The following S100B variants were observed in gnomAD, a reference collection of about 807,000 sequenced individuals.
S100B encodes protein S100-B.
S100B carries 6 observed loss-of-function variants against 7.7 expected under a neutral mutation model. The ratio of observed to expected loss-of-function variants is 0.78; its 90% CI spans 0.43 to 1.54. The LOEUF is 1.54. S100B is among the 40% of genes most tolerant of loss of function. S100B has a pLI of 0.01. For synonymous variants in S100B, 36 were observed against 40.4 expected (o/e 0.89, Z 0.41); for missense variants, 99 against 111.8 (o/e 0.89, Z 0.52).
At chr21:46,603,396 G>GGTGGGGGGAGGGGGGGCGGGGGGGGT (rs1569137672) in intron 1 of S100B, among the ~76,000 whole-genome samples, 1 of 139,260 alleles carries the variant, frequency 7.2e-6, no homozygotes, top group Non-Finnish European at 1.6e-5. Context: ...GGCGGGAGGG[G>GGTGGGGGGAGGGGGGGCGGGGGGGGT]GTGGGGGCAG....
In S100B at chr21:46,599,344, G is replaced by C; in HGVS notation, c.*19C>G. The C allele has an allele frequency of 1.2e-6, 2 of 1,612,360 alleles. No homozygotes were observed. Among genetic ancestry groups the C allele is most frequent in the Non-Finnish European group, 1.7e-6 (2 of 1,179,056 alleles). On this transcript the variant is annotated 3_prime_UTR_variant, in exon 3 of 3. Coordinates refer to ENST00000291700, the MANE Select transcript of S100B (RefSeq NM_006272.3). ...CATGACCGTCTCTGTTACAGGAAAG[G>C]TTTGGCTGCTTTCTAATCTCACTCA... is the stretch of plus-strand genomic sequence containing the variant.
Position 46,601,948 on chromosome 21 carries a change from T to C in S100B, c.138+330A>G, listed in dbSNP as rs973469809. Among the ~76,000 whole-genome samples, 3 of 152,254 alleles carry C rather than the reference T, an allele frequency of 2.0e-5. No individual in the cohort carries two copies. The East Asian group carries it at 5.8e-4, about 29-fold the overall frequency. ...AAAATATATCCTTTTCCTAAAAACATTCCCAAAGCTTATTTTTAACAGTTT... is the reference window on the plus strand; with the variant it reads ...AAAATATATCCTTTTCCTAAAAACACTCCCAAAGCTTATTTTTAACAGTTT... On this transcript the variant is annotated intron_variant, in intron 2 of 2. Transcript: ENST00000291700.
chr21:46,603,392 A>AGGGGGTGGGGGGGGAGGGGGGGGCGGGGG (rs796474856), intron 1 of S100B, among the ~76,000 whole-genome samples: 19 of 38,230 alleles, frequency 5.0e-4, no homozygotes, highest in Middle Eastern at 0.014. Context: ...GGACGGCGGG[A>AGGGGGTGGGGGGGGAGGGGGGGGCGGGGG]GGGGGTGGGG....
intron 1 of S100B, among the ~76,000 whole-genome samples, chr21:46,603,603 G>A (rs2154586): frequency 0.058 from 8,847 of 152,152 alleles, 707 homozygotes; most frequent in African/African-American, 0.18. Context: ...TTGGCCTTGA[G>A]TTCTAATCAT....
chr21:46,603,452 TC>T (rs2061048728), intron 1 of S100B, among the ~76,000 whole-genome samples: 1 of 134,098 alleles, frequency 7.5e-6, no homozygotes, highest in Admixed American at 8.1e-5. Flanking sequence ...CCCCCCTACC[TC>T]CCTCACAGCA....
Position 46,602,435 on chromosome 21 carries a change from A to G in S100B, c.-1-19T>C, listed in dbSNP as rs773063178. 1.2e-6 allele frequency: 2 copies of G among 1,609,600 alleles called. No individual in the cohort carries two copies. The highest frequency in any genetic ancestry group is 1.7e-6 in the Non-Finnish European group (2 of 1,178,550). On this transcript the variant is annotated intron_variant, in intron 1 of 2. Transcript: ENST00000291700. ...AGACATCCTAGGGGCTCGCAAAGGA[A>G]AGTTGCCTTCTCATCTATACCTCAT...
rs1343133761 is a variant in S100B at position 46,602,316 on chromosome 21, T to G, written c.100A>C (p.Lys34Gln). The G allele has an allele frequency of 1.2e-6, 2 of 1,614,000 alleles. No homozygotes were observed. Among genetic ancestry groups the G allele is most frequent in the South Asian group, 2.2e-5 (2 of 91,064 alleles). The change falls in exon 2 of 3, where the codon AAG becomes CAG. Residue 34 changes from lysine (K) to glutamine (Q), a missense_variant. Physicochemically the swap from Lys to Gln is moderately conservative, Grantham distance 53 (BLOSUM62 1). Transcript: ENST00000291700. ...DKHKLKKSELKELINNELSHF... is the reference protein window; with the variant it reads ...DKHKLKKSELQELINNELSHF... The stretch of plus-strand genomic sequence containing the variant: ...GAAAGCTCATTGTTGATGAGCTCCT[T>G]CAGTTCGGATTTCTTCAGCTTGTGC...
chr21:46,604,883 C>T (rs948651636), intron 1 of S100B, 130 bp downstream of exon 1: 3 of 152,254 alleles, frequency 2.0e-5, no homozygotes, highest in Non-Finnish European at 4.4e-5. Flanking sequence ...ATTGACACTT[C>T]TGAAATGCTG....
intron 2 of S100B, among the ~76,000 whole-genome samples, chr21:46,601,468 G>A (rs2061041164): frequency 6.6e-6 from 1 of 152,182 alleles, no homozygotes; most frequent in African/African-American, 2.4e-5. Flanking sequence ...ACTTCCATGA[G>A]GGCATGAGGT....
chr21:46,599,796 A>G (rs754321587), intron 2 of S100B, among the ~76,000 whole-genome samples: 6 of 151,882 alleles, frequency 4.0e-5, no homozygotes, highest in Non-Finnish European at 7.4e-5. Flanking sequence ...AAAAAATACC[A>G]TCTAGATCAG....
chr21:46,599,208 G>A lies in S100B; in HGVS notation c.*155C>T. On this transcript the variant is annotated 3_prime_UTR_variant, in exon 3 of 3. Coordinates refer to ENST00000291700, the MANE Select transcript of S100B (RefSeq NM_006272.3). The stretch of plus-strand genomic sequence containing the variant: ...AGGCCGTTAAAACAGCCTTTGGAAA[G>A]AGGTTTTCAATTTTTCAATCACAAA... 1 of 706,820 alleles carries A rather than the reference G, an allele frequency of 1.4e-6. No homozygotes were observed. Among genetic ancestry groups the A allele is most frequent in the Non-Finnish European group, 2.4e-6 (1 of 416,224 alleles). 43.8% of individuals were successfully genotyped at this position (706,820 alleles called of 1,614,324 possible).
At chr21:46,599,779 T>C (rs1287357562) in intron 2 of S100B, among the ~76,000 whole-genome samples, 1 of 121,686 alleles carries the variant, frequency 8.2e-6, no homozygotes, top group East Asian at 3.1e-4. Flanking sequence ...TTAAAATACC[T>C]GAAAAAAAAA....
chr21:46,600,062 G>A (rs1328669108), intron 2 of S100B, among the ~76,000 whole-genome samples: 1 of 152,176 alleles, frequency 6.6e-6, no homozygotes, highest in Non-Finnish European at 1.5e-5. Flanking sequence ...CCAAATGAAT[G>A]GTGTGGCTGT....
chr21:46,603,511 T>C (rs557145592), intron 1 of S100B, among the ~76,000 whole-genome samples: 55 of 151,956 alleles, frequency 3.6e-4, no homozygotes, highest in African/African-American at 9.9e-4. Context: ...CTGGTCAGTC[T>C]GGGAATGAGG....
At chr21:46,600,074 A>C (rs1383715156) in intron 2 of S100B, among the ~76,000 whole-genome samples, 2 of 152,172 alleles carry the variant, frequency 1.3e-5, no homozygotes, top group Non-Finnish European at 2.9e-5. Flanking sequence ...TGTGGCTGTT[A>C]AGTGATGTGC....
chr21:46,600,523 T>G, intron 2 of S100B: 2 of 308,692 alleles, frequency 6.5e-6, no homozygotes, highest in Non-Finnish European at 6.4e-6. Flanking sequence ...CCAACCTGGG[T>G]GACTGAGCAA....
chr21:46,603,398 T>TGGGGGGAGGGGGGGGC, intron 1 of S100B, among the ~76,000 whole-genome samples: 1,453 of 52,126 alleles, frequency 0.028, 99 homozygotes, highest in African/African-American at 0.085. Flanking sequence ...CGGGAGGGGG[T>TGGGGGGAGGGGGGGGC]GGGGGCAGGA....
chr21:46,603,076 A>C (rs2084590942), intron 1 of S100B, among the ~76,000 whole-genome samples: 1 of 152,172 alleles, frequency 6.6e-6, no homozygotes, highest in South Asian at 2.1e-4. Flanking sequence ...TTTCCTTTAA[A>C]TTCATATGTA....
chr21:46,599,662 G>A (rs2061036161), intron 2 of S100B, among the ~76,000 whole-genome samples, 159 bp from the exon 3 acceptor site: 1 of 152,096 alleles, frequency 6.6e-6, no homozygotes, highest in Non-Finnish European at 1.5e-5. Flanking sequence ...TGACCAGGGG[G>A]CTGTTGTCCA....
Sources: gnomAD v4.1 joint callset for allele counts (sites outside exome capture counted in the v4.1 genomes callset) on GRCh38, gnomAD v4.1.1 for gene constraint, MANE v1.5 for transcripts, NCBI Gene and HGNC (gene_info 2026-07-23, HGNC 2026-07-21) for gene names.